Variants in CEP83 observed in about 807,000 individuals in gnomAD.
The protein encoded by CEP83 is centrosomal protein 83, also known as centrosomal protein of 83 kDa.
CEP83 carries 70 observed loss-of-function variants against 101.9 expected under a neutral mutation model. The ratio of observed to expected loss-of-function variants is 0.69; its 90% CI spans 0.57 to 0.84. The LOEUF (loss-of-function observed/expected upper bound fraction) is 0.84. Ranked by LOEUF, CEP83 falls within the 40% of genes least tolerant of loss-of-function variation. CEP83 has a pLI of 0.00. For synonymous variants in CEP83, 264 were observed against 267.9 expected (o/e 0.99, Z 0.14); for missense variants, 715 against 787.2 (o/e 0.91, Z 1.10).
chr12:94,357,484 A>G (rs932386726), intron 11 of CEP83, among the ~76,000 whole-genome samples: 2 of 152,232 alleles, frequency 1.3e-5, no homozygotes, highest in Non-Finnish European at 2.9e-5. Flanking sequence ...AGTTTGATAA[A>G]GAAGGGAATC....
chr12:94,396,797 G>T (rs1226352276), intron 6 of CEP83, among the ~76,000 whole-genome samples: 2 of 152,224 alleles, frequency 1.3e-5, no homozygotes, highest in East Asian at 3.9e-4. Flanking sequence ...TGCAAGTACT[G>T]TGTAAGTCCT....
intron 1 of CEP83, among the ~76,000 whole-genome samples, chr12:94,451,709 T>C (rs1394137358): frequency 6.6e-6 from 1 of 152,136 alleles, no homozygotes; most frequent in Admixed American, 6.5e-5. Flanking sequence ...TAGGATGTAA[T>C]TGGTACAGCT....
At chr12:94,338,268 C>G (rs2059534479) in intron 11 of CEP83, among the ~76,000 whole-genome samples, 1 of 151,944 alleles carries the variant, frequency 6.6e-6, no homozygotes, top group Non-Finnish European at 1.5e-5. Flanking sequence ...GTAAGAGAAA[C>G]AGAAAACAGA....
Position 94,331,839 on chromosome 12 carries a change from G to A in CEP83, c.1578-10C>T. 2 of 1,610,176 alleles carry A rather than the reference G, an allele frequency of 1.2e-6. No individual in the cohort carries two copies. The highest frequency in any genetic ancestry group is 1.7e-4 in the Middle Eastern group (1 of 6,048). ...TTTCTCTTCCAATGTCCTGTCAGAA[G>A]AATGTATGTAAAACATGGAAGTTAA... On this transcript the variant is annotated splice_polypyrimidine_tract_variant and intron_variant, in intron 13 of 16. Transcript: ENST00000397809.
chr12:94,344,002 A>G (rs1475012788), intron 11 of CEP83, among the ~76,000 whole-genome samples: 1 of 152,220 alleles, frequency 6.6e-6, no homozygotes, highest in Non-Finnish European at 1.5e-5. Flanking sequence ...AGGCACAGAG[A>G]AAAGGCCATG....
At chr12:94,384,779 TTTTG>T (rs140669561) in intron 6 of CEP83, among the ~76,000 whole-genome samples, 13 of 152,110 alleles carry the variant, frequency 8.5e-5, no homozygotes, top group Non-Finnish European at 1.0e-4. Flanking sequence ...GTCTTTTGGG[TTTTG>T]TTTGTTTGTT....
At chr12:94,321,446 G>A (rs2058740675) in intron 14 of CEP83, among the ~76,000 whole-genome samples, 1 of 152,192 alleles carries the variant, frequency 6.6e-6, no homozygotes, top group South Asian at 2.1e-4. Context: ...CATCTGTGTT[G>A]CTAGAGTTCT....
intron 2 of CEP83, among the ~76,000 whole-genome samples, chr12:94,419,949 T>C (rs1178651774): frequency 2.0e-5 from 3 of 152,170 alleles, no homozygotes; most frequent in Admixed American, 2.0e-4. Flanking sequence ...ACGTCTAAAA[T>C]CTAAAAGGTG....
chr12:94,427,446 T>G (rs2065287178), intron 2 of CEP83, among the ~76,000 whole-genome samples: 1 of 152,214 alleles, frequency 6.6e-6, no homozygotes. Context: ...TTTGCAACCA[T>G]TACAAATACA....
the CEP83 span, chr12:94,301,132 A>C: frequency 7.5e-7 from 1 of 1,328,982 alleles, no homozygotes; most frequent in Non-Finnish European, 1.1e-6. Flanking sequence ...TAAGCATTCA[A>C]ATAATAAACA....
chr12:94,424,787 C>T (rs2065054405), intron 2 of CEP83: 9 of 1,610,372 alleles, frequency 5.6e-6, no homozygotes, highest in Admixed American at 1.7e-5. Flanking sequence ...TTGCAATCCT[C>T]GGATGTATAG....
intron 6 of CEP83, among the ~76,000 whole-genome samples, chr12:94,392,357 A>G (rs916282781): frequency 3.3e-5 from 5 of 152,246 alleles, no homozygotes; most frequent in Non-Finnish European, 7.3e-5. Flanking sequence ...ACGCAACTAC[A>G]TGGAAACTGA....
chr12:94,403,104 G>T, intron 5 of CEP83, 66 bp downstream of exon 5: 1 of 843,284 alleles, frequency 1.2e-6, no homozygotes, highest in Non-Finnish European at 2.0e-6. Context: ...GTAGGGGAAT[G>T]ATGCTTTTCA....
At chr12:94,440,570 C>T (rs1378246620) in intron 1 of CEP83, among the ~76,000 whole-genome samples, 1 of 151,552 alleles carries the variant, frequency 6.6e-6, no homozygotes, top group Non-Finnish European at 1.5e-5. Context: ...ATATCCCATG[C>T]GCATGGATGG....
intron 11 of CEP83, among the ~76,000 whole-genome samples, chr12:94,363,605 G>A (rs962557726): frequency 6.6e-6 from 1 of 152,016 alleles, no homozygotes; most frequent in Non-Finnish European, 1.5e-5. Flanking sequence ...TAAACAAATC[G>A]ATAAATATAG....
the CEP83 span, among the ~76,000 whole-genome samples, chr12:94,293,252 C>G: frequency 1.3e-5 from 2 of 152,246 alleles, no homozygotes; most frequent in Non-Finnish European, 1.5e-5. Context: ...TGAGTTGTTT[C>G]CAGTATGGGA....
intron 11 of CEP83, among the ~76,000 whole-genome samples, chr12:94,341,188 T>C (rs1283787154): frequency 1.3e-5 from 2 of 152,022 alleles, no homozygotes; most frequent in Non-Finnish European, 2.9e-5. Flanking sequence ...CTCTTGGCAC[T>C]ATGATAAGCT....
intron 1 of CEP83, among the ~76,000 whole-genome samples, chr12:94,436,753 C>T (rs2066015581): frequency 6.6e-6 from 1 of 150,444 alleles, no homozygotes; most frequent in Admixed American, 6.6e-5. Flanking sequence ...ATCACTTGAA[C>T]CCGGAGGAGG....
intron 11 of CEP83, among the ~76,000 whole-genome samples, chr12:94,364,720 A>G (rs182931841): frequency 5.3e-5 from 8 of 152,294 alleles, no homozygotes; most frequent in African/African-American, 1.7e-4. Flanking sequence ...CCAGAAATAT[A>G]CCCAAGTATA....
Sources: allele counts gnomAD v4.1 joint callset (sites outside exome capture counted in the v4.1 genomes callset), GRCh38; gene constraint gnomAD v4.1.1; transcripts MANE v1.5; gene names NCBI Gene and HGNC (gene_info 2026-07-23, HGNC 2026-07-21).